The following CDH23 variants were observed in gnomAD, a reference collection of about 807,000 sequenced individuals.
CDH23 encodes cadherin-23.
A neutral mutation model predicts 317.1 loss-of-function variants in CDH23; 189 were observed. That is an observed-to-expected ratio of 0.60 (90% CI 0.53 to 0.67). CDH23 has a LOEUF of 0.67. CDH23 is among the 30% of genes least tolerant of loss of function. CDH23 has a pLI of 0.00. For missense variants in CDH23, 4,401 were observed against 4,592.4 expected, an observed-to-expected ratio of 0.96 and a Z score of 1.20; for synonymous variants, 1,839 against 1,876.8, an observed-to-expected ratio of 0.98 and a Z score of 0.52.
At chr10:71,545,765 A>T (rs1856242277) in intron 6 of CDH23, among the ~76,000 whole-genome samples, 1 of 152,198 alleles carries the variant, frequency 6.6e-6, no homozygotes, top group Non-Finnish European at 1.5e-5. Context: ...GCAAGTGGCT[A>T]GCGCAGGCTT....
intron 38 of CDH23, chr10:71,755,299 T>C (rs1415012020): frequency 6.9e-7 from 1 of 1,456,656 alleles, no homozygotes; most frequent in Non-Finnish European, 9.4e-7. Flanking sequence ...GGGGCTGAAC[T>C]GGGGGCTGGA....
chr10:71,673,382 G>C (rs923153775), intron 14 of CDH23, among the ~76,000 whole-genome samples: 1 of 152,244 alleles, frequency 6.6e-6, no homozygotes, highest in Non-Finnish European at 1.5e-5. Flanking sequence ...CCAAGACCAA[G>C]CTGCAGTTGT....
chr10:71,707,697 C>T (rs1418652349), intron 26 of CDH23, among the ~76,000 whole-genome samples: 2 of 152,186 alleles, frequency 1.3e-5, no homozygotes, highest in Non-Finnish European at 2.9e-5. Context: ...CTCCCCGACA[C>T]ACGAGAGATG....
intron 3 of CDH23, among the ~76,000 whole-genome samples, chr10:71,488,467 T>C (rs1224114506): frequency 6.6e-6 from 1 of 152,176 alleles, no homozygotes; most frequent in Non-Finnish European, 1.5e-5. Context: ...ACACCCCTTT[T>C]CCTGGTCCAT....
intron 60 of CDH23, 85 bp from the exon 61 acceptor site, chr10:71,809,735 C>T: frequency 1.3e-6 from 2 of 1,541,234 alleles, no homozygotes; most frequent in Admixed American, 1.8e-5. Context: ...CTAGATGTGC[C>T]CACCTACCCC....
At chr10:71,742,387 C>T (rs559169140) in intron 38 of CDH23, among the ~76,000 whole-genome samples, 2 of 152,302 alleles carry the variant, frequency 1.3e-5, no homozygotes, top group South Asian at 4.1e-4. Context: ...TGTCACAACA[C>T]GTCAGGGTGG....
chr10:71,581,571 T>C (rs1858638086), intron 9 of CDH23, among the ~76,000 whole-genome samples: 1 of 152,264 alleles, frequency 6.6e-6, no homozygotes, highest in Admixed American at 6.5e-5. Flanking sequence ...ATGACCCCTC[T>C]GTTTTGCCAA....
At chr10:71,716,696 C>G (rs1866261652) in intron 28 of CDH23, 1 of 213,592 alleles carries the variant, frequency 4.7e-6, no homozygotes, top group Non-Finnish European at 9.2e-6. Context: ...CTGTCAATAA[C>G]TTGCTCTGTG....
At chr10:71,639,446 T>C (rs1862429911) in intron 11 of CDH23, among the ~76,000 whole-genome samples, 1 of 152,200 alleles carries the variant, frequency 6.6e-6, no homozygotes, top group Non-Finnish European at 1.5e-5. Flanking sequence ...GCTGAGGTGC[T>C]TGTGGGCCTC....
intron 14 of CDH23, among the ~76,000 whole-genome samples, chr10:71,674,463 C>T (rs918381525): frequency 4.6e-5 from 7 of 152,238 alleles, no homozygotes; most frequent in East Asian, 3.8e-4. Flanking sequence ...CCTTTCCCTA[C>T]GGGCATCTGG....
intron 28 of CDH23, among the ~76,000 whole-genome samples, chr10:71,718,440 C>T (rs746573917): frequency 6.6e-6 from 1 of 152,220 alleles, no homozygotes; most frequent in Non-Finnish European, 1.5e-5. Flanking sequence ...GTGTGATGCC[C>T]GTCTAGCTGC....
At chr10:71,687,561 C>A in intron 18 of CDH23, 86 bp from the exon 19 acceptor site, 1 of 1,229,640 alleles carries the variant, frequency 8.1e-7, no homozygotes, top group Non-Finnish European at 1.2e-6. Flanking sequence ...CCAGACCTAG[C>A]CTGACTCCTT....
chr10:71,686,948 G>T (rs892235650), intron 18 of CDH23, among the ~76,000 whole-genome samples: 1 of 152,216 alleles, frequency 6.6e-6, no homozygotes, highest in South Asian at 2.1e-4. Flanking sequence ...GGCAGAAGTT[G>T]CCCACCCTAC....
rs760919073 is a variant in CDH23 at position 71,702,625 on chromosome 10, C to G, written c.2664C>G (p.Pro888=). The G allele has an allele frequency of 4.3e-6, 7 of 1,613,882 alleles. No individual in the cohort carries two copies. Among genetic ancestry groups the G allele is most frequent in the Non-Finnish European group, 4.2e-6 (5 of 1,179,898 alleles). The change falls in exon 24 of 70, where the codon CCC becomes CCG. Residue 888 remains proline, a synonymous_variant. Transcript: ENST00000224721. ...TCTTGGATCTCAATGACAATGACCC[C>G]ACCTTTCAGAACCTGCCTTTTGTGG... ...VNLLDLNDND[P]TFQNLPFVAE...
intron 11 of CDH23, among the ~76,000 whole-genome samples, chr10:71,627,916 CCTCT>C (rs1336953222): frequency 6.6e-6 from 1 of 152,198 alleles, no homozygotes. Flanking sequence ...CATGCCTCTT[CCTCT>C]CCCCAGCACC....
At chr10:71,806,052 G>T in intron 56 of CDH23, 55 bp downstream of exon 56, 1 of 1,540,424 alleles carries the variant, frequency 6.5e-7, no homozygotes, top group Non-Finnish European at 8.7e-7. Context: ...TTTCTTCTGG[G>T]GGCGGGTCTT....
At chr10:71,528,796 G>A (rs574178553) in intron 6 of CDH23, among the ~76,000 whole-genome samples, 1 of 152,300 alleles carries the variant, frequency 6.6e-6, no homozygotes, top group Admixed American at 6.5e-5. Flanking sequence ...GAGCTGCCAG[G>A]CTGGGCCTCC....
At chr10:71,406,018 A>ATTTT (rs10659003) in intron 1 of CDH23, among the ~76,000 whole-genome samples, 14 of 147,692 alleles carry the variant, frequency 9.5e-5, no homozygotes, top group African/African-American at 2.3e-4. Flanking sequence ...AAAGCAGGTA[A>ATTTT]TTTTTTTTTT....
intron 28 of CDH23, among the ~76,000 whole-genome samples, chr10:71,723,430 A>G (rs1355264382): frequency 6.6e-6 from 1 of 152,162 alleles, no homozygotes. Flanking sequence ...CAAGCCCACC[A>G]GAGGAAACAC....
Sources: gnomAD v4.1 joint callset for allele counts (sites outside exome capture counted in the v4.1 genomes callset) on GRCh38, gnomAD v4.1.1 for gene constraint, MANE v1.5 for transcripts, NCBI Gene and HGNC (gene_info 2026-07-23, HGNC 2026-07-21) for gene names.